AGK: variants seen among roughly 807,000 people sequenced by gnomAD.
The protein encoded by AGK is acylglycerol kinase, mitochondrial.
A neutral mutation model predicts 66.4 loss-of-function variants in AGK; 52 were observed. That is an observed-to-expected ratio of 0.78 (90% CI 0.63 to 0.99). The LOEUF (loss-of-function observed/expected upper bound fraction) is 0.99, where lower values mean the gene tolerates loss of function less well. AGK is among the 50% of genes least tolerant of loss of function. The probability of loss-of-function intolerance (pLI) is 0.00; values close to 1 mark genes in which losing one functional copy is unlikely to be tolerated. For missense variants in AGK, 451 were observed against 506.6 expected, an observed-to-expected ratio of 0.89 and a Z score of 1.05; for synonymous variants, 182 against 181.1, an observed-to-expected ratio of 1.00 and a Z score of -0.04.
At chr7:141,563,302 G>A (rs1342970824) in intron 2 of AGK, among the ~76,000 whole-genome samples, 1 of 152,182 alleles carries the variant, frequency 6.6e-6, no homozygotes, top group African/African-American at 2.4e-5. Context: ...TGGGATCAGG[G>A]TGTAAGGATG....
intron 14 of AGK, chr7:141,650,460 C>T (rs1468644397): frequency 1.0e-6 from 1 of 977,128 alleles, no homozygotes. Flanking sequence ...CAGTGTCCTT[C>T]TGTTCTCTAC....
In AGK at chr7:141,655,160, A is replaced by G. The variant is rs1562990209; in HGVS notation, c.*2236A>G. 1 of 152,270 alleles carries G rather than the reference A, an allele frequency of 6.6e-6. No homozygotes were observed. Among genetic ancestry groups the G allele is most frequent in the African/African-American group, 2.4e-5 (1 of 41,472 alleles). 9.4% of individuals were successfully genotyped at this position (152,270 alleles called of 1,614,324 possible). A position where few individuals can be genotyped will look rare whatever the true frequency, so the allele number is the denominator to read the frequency against. On this transcript the variant is annotated 3_prime_UTR_variant, in exon 16 of 16. Coordinates refer to ENST00000649286, the MANE Select transcript of AGK (RefSeq NM_018238.4). Reference sequence around the variant, plus strand: ...GTGTGCTCATTTTGTGGTTCTAATCATAATGGTACATATAATTAGGGAAGG... The same window carrying G: ...GTGTGCTCATTTTGTGGTTCTAATCGTAATGGTACATATAATTAGGGAAGG...
At chr7:141,595,245 G>C (rs1396917310) in intron 3 of AGK, among the ~76,000 whole-genome samples, 1 of 152,152 alleles carries the variant, frequency 6.6e-6, no homozygotes, top group Non-Finnish European at 1.5e-5. Context: ...ACTACCATAG[G>C]TGTGGAATCT....
rs142694894 is a variant in AGK, at chr7:141,634,460, C to T, written c.668+480C>T. 5.1e-4 allele frequency among the ~76,000 whole-genome samples: 77 copies of T among 152,294 alleles called. 1 individual carries two copies. Among genetic ancestry groups the T allele is most frequent in the East Asian group, 3.9e-3 (20 of 5,186 alleles). On this transcript the variant is annotated intron_variant, in intron 10 of 15. Transcript: ENST00000649286. ...GCTGCTCTTAGAGGAGGAAGAAAGG[C>T]GGCGCCTGGCTGTGCTGTGAGATGG...
chr7:141,587,671 A>G (rs1796022159), intron 2 of AGK, among the ~76,000 whole-genome samples: 1 of 152,208 alleles, frequency 6.6e-6, no homozygotes, highest in East Asian at 1.9e-4. Flanking sequence ...CTCAGCTTCA[A>G]TGTCATATCC....
intron 3 of AGK, 23 bp from the exon 4 acceptor site, chr7:141,596,539 A>G (rs1356611496): frequency 1.9e-6 from 3 of 1,606,250 alleles, no homozygotes; most frequent in Non-Finnish European, 2.6e-6. Context: ...TTTTACTGAA[A>G]ACTTTGCTCT....
Position 141,641,248 on chromosome 7 carries a change from G to T in AGK, c.727G>T (p.Glu243Ter). Residue 243 changes from glutamate (E) to a stop codon, truncating the protein, a stop_gained and splice_region_variant, in exon 12 of 16, where the codon GAG (glutamate) becomes TAG (stop). Coordinates refer to ENST00000649286, the MANE Select transcript of AGK (RefSeq NM_018238.4). LOFTEE classifies it high-confidence loss of function. ...KAAHFFSTLKEWPQTHQASIS... is the reference protein window; with the variant it reads ...KAAHFFSTLK Reference sequence around the variant, plus strand: ...AATTTTTCTCTCTCCACATTAAAAGGAGTGGCCTCAGACTCATCAAGCCTC... The same window carrying T: ...AATTTTTCTCTCTCCACATTAAAAGTAGTGGCCTCAGACTCATCAAGCCTC... The T allele has an allele frequency of 6.3e-7, 1 of 1,598,784 alleles. No homozygotes were observed.
intron 10 of AGK, among the ~76,000 whole-genome samples, chr7:141,635,391 A>G (rs1797148879): frequency 6.6e-6 from 1 of 152,204 alleles, no homozygotes; most frequent in Admixed American, 6.5e-5. Context: ...AAATTTTAGA[A>G]GGTAACTGCC....
chr7:141,576,126 A>G (rs1263241190), intron 2 of AGK, among the ~76,000 whole-genome samples: 2 of 152,234 alleles, frequency 1.3e-5, no homozygotes, highest in African/African-American at 4.8e-5. Flanking sequence ...CACTAACTAA[A>G]GAAATTCATT....
chr7:141,554,912 T>C (rs982128709), intron 1 of AGK, among the ~76,000 whole-genome samples: 4 of 152,254 alleles, frequency 2.6e-5, no homozygotes, highest in African/African-American at 4.8e-5. Context: ...CATTTTTAGA[T>C]AGCCATGTAC....
intron 2 of AGK, among the ~76,000 whole-genome samples, chr7:141,563,770 A>G (rs1795402468): frequency 6.6e-6 from 1 of 152,048 alleles, no homozygotes; most frequent in Non-Finnish European, 1.5e-5. Flanking sequence ...CTTCAGTGTT[A>G]TTAGGATTTC....
intron 2 of AGK, among the ~76,000 whole-genome samples, chr7:141,569,592 C>T (rs78537273): frequency 0.032 from 4,841 of 152,202 alleles, 329 homozygotes; most frequent in East Asian, 0.26. Context: ...TTGCCATGTG[C>T]GAGGCACAGT....
chr7:141,619,980 A>C lies in AGK; in HGVS notation c.519-1752A>C, dbSNP rs1054730571. On this transcript the variant is annotated intron_variant, in intron 8 of 15. Coordinates refer to ENST00000649286, the MANE Select transcript of AGK (RefSeq NM_018238.4). ...TGAATGGGTAAACAAATTCCAGTAC[A>C]TCCATACAATGGAATATGGATAGTC... Among the ~76,000 whole-genome samples the C allele has an allele frequency of 5.9e-5, 9 of 152,346 alleles. No individual in the cohort carries two copies. The East Asian group carries it at 1.3e-3, about 23-fold the overall frequency.
At chr7:141,631,390 G>A (rs530340591) in intron 9 of AGK, among the ~76,000 whole-genome samples, 4 of 152,262 alleles carry the variant, frequency 2.6e-5, no homozygotes, top group South Asian at 2.1e-4. Flanking sequence ...ATTGTTCTAC[G>A]TTATTATGCC....
At chr7:141,577,346 T>C (rs972163135) in intron 2 of AGK, among the ~76,000 whole-genome samples, 4 of 152,230 alleles carry the variant, frequency 2.6e-5, no homozygotes, top group African/African-American at 9.6e-5. Context: ...CAGACATTGC[T>C]TTCTACAGAT....
chr7:141,602,173 T>TTGTGTGTGTGTGTGTGTGTGTG (rs71172608), intron 5 of AGK, among the ~76,000 whole-genome samples: 6,401 of 124,966 alleles, frequency 0.051, 354 homozygotes, highest in Non-Finnish European at 0.071. Flanking sequence ...GGAGATTTTC[T>TTGTGTGTGTGTGTGTGTGTGTG]TGTGTGTGTG....
chr7:141,597,809 T>A (rs975956808), intron 4 of AGK, among the ~76,000 whole-genome samples: 1 of 136,878 alleles, frequency 7.3e-6, no homozygotes, highest in African/African-American at 2.9e-5. Context: ...GAGGATCACC[T>A]AAGCCCAGGA....
intron 2 of AGK, among the ~76,000 whole-genome samples, chr7:141,561,484 CATT>C (rs1405609257): frequency 6.6e-6 from 1 of 151,136 alleles, no homozygotes; most frequent in East Asian, 1.9e-4. Flanking sequence ...GGTGGTATCT[CATT>C]ATTTTTTTTA....
chr7:141,578,475 A>C (rs1353485807), intron 2 of AGK, among the ~76,000 whole-genome samples: 3 of 151,894 alleles, frequency 2.0e-5, no homozygotes, highest in African/African-American at 7.3e-5. Context: ...GAGGCCTGAC[A>C]TTCCTGCCTT....
Sources: gnomAD v4.1 joint callset for allele counts (sites outside exome capture counted in the v4.1 genomes callset) on GRCh38, gnomAD v4.1.1 for gene constraint, MANE v1.5 for transcripts, NCBI Gene and HGNC (gene_info 2026-07-23, HGNC 2026-07-21) for gene names.